Variants in CTDSPL observed in about 807,000 individuals in gnomAD.
CTDSPL encodes CTD small phosphatase like, also known as CTD small phosphatase-like protein.
In CTDSPL, 8 loss-of-function variants were observed where a neutral mutation model predicts 30.5. That is an observed-to-expected ratio of 0.26 (90% CI 0.15 to 0.47). The LOEUF (loss-of-function observed/expected upper bound fraction) is 0.47, where lower values mean the gene tolerates loss of function less well. Ranked by LOEUF, CTDSPL falls within the 20% of genes least tolerant of loss-of-function variation. CTDSPL has a pLI of 0.99. For synonymous variants in CTDSPL, 110 were observed against 137.9 expected (o/e 0.80, Z 1.42); for missense variants, 248 against 366.1 (o/e 0.68, Z 2.63).
intron 1 of CTDSPL, among the ~76,000 whole-genome samples, chr3:37,931,668 C>G (rs1279705668): frequency 6.6e-6 from 1 of 151,862 alleles, no homozygotes; most frequent in Non-Finnish European, 1.5e-5. Flanking sequence ...TCTTTTATCT[C>G]CTATAGGTAT....
intron 1 of CTDSPL, among the ~76,000 whole-genome samples, chr3:37,874,254 G>A (rs759537098): frequency 6.6e-6 from 1 of 152,216 alleles, no homozygotes; most frequent in Non-Finnish European, 1.5e-5. Context: ...GCAGCACTGG[G>A]TGTTCAGAAG....
rs193063231 is a variant in CTDSPL at position 37,929,115 on chromosome 3, C to T, written c.80-17942C>T. On this transcript the variant is annotated intron_variant, in intron 1 of 7. Coordinates refer to ENST00000273179, the MANE Select transcript of CTDSPL (RefSeq NM_001008392.2). ...ATGCATAGGTTTATTTCTGCACTCT[C>T]TATTCTGTTCCATTGGTCTATGTGT... Among the ~76,000 whole-genome samples the T allele has an allele frequency of 1.5e-4, 23 of 152,278 alleles. No homozygotes were observed. The East Asian group carries it at 4.4e-3, about 29-fold the overall frequency.
intron 1 of CTDSPL, among the ~76,000 whole-genome samples, chr3:37,882,033 C>T (rs566225536): frequency 1.3e-5 from 2 of 152,232 alleles, no homozygotes; most frequent in South Asian, 4.1e-4. Flanking sequence ...TTAGGCCGGG[C>T]GTGGTGGCTC....
At chr3:37,916,310 C>G (rs1464110205) in intron 1 of CTDSPL, among the ~76,000 whole-genome samples, 7 of 152,328 alleles carry the variant, frequency 4.6e-5, no homozygotes, top group African/African-American at 1.7e-4. Flanking sequence ...AACATTATTT[C>G]AGGTGTTTTT....
chr3:37,935,962 G>A (rs1049335546), intron 1 of CTDSPL, among the ~76,000 whole-genome samples: 1 of 152,180 alleles, frequency 6.6e-6, no homozygotes, highest in African/African-American at 2.4e-5. Context: ...CGGAAAATGG[G>A]TTGGTCATGT....
At chr3:37,962,935 T>C (rs1276925514) in intron 3 of CTDSPL, among the ~76,000 whole-genome samples, 3 of 152,266 alleles carry the variant, frequency 2.0e-5, no homozygotes, top group Non-Finnish European at 2.9e-5. Context: ...ACATTCTCTC[T>C]ACTATGTTCA....
chr3:37,965,974 A>G (rs535428565), intron 4 of CTDSPL, among the ~76,000 whole-genome samples: 12 of 152,216 alleles, frequency 7.9e-5, no homozygotes, highest in African/African-American at 2.6e-4. Context: ...ATTGGAAGCC[A>G]TTTCTCCCCC....
At chr3:37,873,370 T>G (rs767414920) in intron 1 of CTDSPL, among the ~76,000 whole-genome samples, 23 of 152,128 alleles carry the variant, frequency 1.5e-4, no homozygotes, top group Non-Finnish European at 2.8e-4. Flanking sequence ...TTTTATTGGG[T>G]CTCTTCGTCT....
rs1393487668 is a variant in CTDSPL, at chr3:37,981,581, G to A, written c.*714G>A. The stretch of plus-strand genomic sequence containing the variant: ...CAGTTTGGAATGTATCTGCAATTGT[G>A]TGGCTCAACACTTTAGGAAACAATA... On this transcript the variant is annotated 3_prime_UTR_variant, in exon 8 of 8. Transcript: ENST00000273179. The A allele has an allele frequency of 1.0e-5, 3 of 287,560 alleles. No homozygotes were observed. The highest frequency in any genetic ancestry group is 9.8e-5 in the East Asian group (1 of 10,220). The allele number at this position is 287,560 out of a possible 1,614,324, so 17.8% of individuals were successfully genotyped here. A position where few individuals can be genotyped will look rare whatever the true frequency, so the allele number is the denominator to read the frequency against.
At chr3:37,918,823 G>T (rs533953949) in intron 1 of CTDSPL, among the ~76,000 whole-genome samples, 1 of 152,126 alleles carries the variant, frequency 6.6e-6, no homozygotes, top group East Asian at 1.9e-4. Flanking sequence ...TGTGATCTGG[G>T]CCCCCTGCTG....
chr3:37,958,638 C>G (rs1383938543), intron 3 of CTDSPL, among the ~76,000 whole-genome samples: 2 of 152,034 alleles, frequency 1.3e-5, no homozygotes, highest in African/African-American at 4.8e-5. Context: ...GTAGATTCAG[C>G]CATGTATAGA....
At chr3:37,964,510 T>G in intron 3 of CTDSPL, 61 bp from the exon 4 acceptor site, 1 of 1,136,258 alleles carries the variant, frequency 8.8e-7, no homozygotes, top group South Asian at 1.2e-5. Flanking sequence ...AGTAGTATAA[T>G]GCAATACTGA....
intron 1 of CTDSPL, among the ~76,000 whole-genome samples, chr3:37,937,177 C>G (rs1575307517): frequency 6.7e-6 from 1 of 150,242 alleles, no homozygotes; most frequent in South Asian, 2.1e-4. Context: ...GGATAGAAAA[C>G]TGCTAAGAAG....
At chr3:37,920,694 C>T (rs529228201) in intron 1 of CTDSPL, among the ~76,000 whole-genome samples, 1 of 152,330 alleles carries the variant, frequency 6.6e-6, no homozygotes, top group African/African-American at 2.4e-5. Context: ...CAAAAAGTGA[C>T]CTTTTGTTAG....
intron 1 of CTDSPL, among the ~76,000 whole-genome samples, chr3:37,865,063 A>C (rs541956962): frequency 6.6e-6 from 1 of 152,334 alleles, no homozygotes; most frequent in Non-Finnish European, 1.5e-5. Context: ...GGTGTTTTGC[A>C]CCAAGTTGAA....
intron 1 of CTDSPL, among the ~76,000 whole-genome samples, chr3:37,901,937 C>G (rs897832840): frequency 2.6e-5 from 4 of 152,196 alleles, no homozygotes; most frequent in African/African-American, 9.6e-5. Flanking sequence ...ATCTTCCTGC[C>G]TATACTATCC....
At chr3:37,887,735 A>T (rs184913845) in intron 1 of CTDSPL, among the ~76,000 whole-genome samples, 16 of 152,330 alleles carry the variant, frequency 1.1e-4, no homozygotes, top group African/African-American at 3.6e-4. Context: ...GACTGCAAAG[A>T]GATAACTCAG....
intron 2 of CTDSPL, among the ~76,000 whole-genome samples, chr3:37,956,403 A>G (rs1372206217): frequency 6.6e-6 from 1 of 152,240 alleles, no homozygotes; most frequent in Non-Finnish European, 1.5e-5. Flanking sequence ...TGCTCAGTGG[A>G]AATAAACTTT....
chr3:37,949,726 C>T (rs1194476809), intron 2 of CTDSPL, among the ~76,000 whole-genome samples: 2 of 152,200 alleles, frequency 1.3e-5, no homozygotes, highest in African/African-American at 2.4e-5. Flanking sequence ...TATTTTAAAA[C>T]CACATGTGGA....
Sources: gnomAD v4.1 joint callset for allele counts (sites outside exome capture counted in the v4.1 genomes callset) on GRCh38, gnomAD v4.1.1 for gene constraint, MANE v1.5 for transcripts, NCBI Gene and HGNC (gene_info 2026-07-23, HGNC 2026-07-21) for gene names.